Variants in SPAG16 observed in about 807,000 individuals in gnomAD.
The protein encoded by SPAG16 is sperm-associated antigen 16 protein.
In SPAG16, 86 loss-of-function variants were observed where a neutral mutation model predicts 80.4. That is an observed-to-expected ratio of 1.07 (90% CI 0.90 to 1.28). The LOEUF is 1.28. SPAG16 is among the 50% of genes most tolerant of loss of function. The pLI is 0.00. For missense variants in SPAG16, 870 were observed against 765.3 expected (o/e 1.14, Z -1.61); for synonymous variants, 294 against 265.9 (o/e 1.11, Z -1.03).
At chr2:213,326,576 T>C (rs1362742585) in intron 5 of SPAG16, among the ~76,000 whole-genome samples, 2 of 152,012 alleles carry the variant, frequency 1.3e-5, no homozygotes, top group African/African-American at 4.8e-5. Flanking sequence ...CCAACAGTTA[T>C]TCCAATATAA....
chr2:214,359,365 C>G lies in SPAG16; in HGVS notation c.1721-50775C>G, dbSNP rs564744303. ...CTTACTATATACAAAATAGGCTACTCTCCTAAAATCATATTGGGCATTTGG... is the reference window on the plus strand; with the variant it reads ...CTTACTATATACAAAATAGGCTACTGTCCTAAAATCATATTGGGCATTTGG... On this transcript the variant is annotated intron_variant, in intron 15 of 15. Transcript: ENST00000331683. 3.9e-5 allele frequency among the ~76,000 whole-genome samples: 6 copies of G among 151,962 alleles called. No homozygotes were observed. In the East Asian group the frequency reaches 9.7e-4, roughly 25 times the overall value.
intron 15 of SPAG16, among the ~76,000 whole-genome samples, chr2:214,381,691 G>A (rs1486487305): frequency 6.6e-6 from 1 of 152,226 alleles, no homozygotes; most frequent in East Asian, 1.9e-4. Flanking sequence ...CATGTCCAGG[G>A]AGACATTGGT....
At chr2:213,494,474 G>T (rs1439245614) in intron 10 of SPAG16, among the ~76,000 whole-genome samples, 1 of 151,978 alleles carries the variant, frequency 6.6e-6, no homozygotes, top group Non-Finnish European at 1.5e-5. Flanking sequence ...CCCTCACCCT[G>T]CAATTCCCAC....
At chr2:213,362,696 A>G (rs1244650836) in intron 7 of SPAG16, among the ~76,000 whole-genome samples, 2 of 152,228 alleles carry the variant, frequency 1.3e-5, no homozygotes, top group Non-Finnish European at 2.9e-5. Flanking sequence ...ATACTGTCAG[A>G]CTAATGCTCC....
intron 15 of SPAG16, among the ~76,000 whole-genome samples, chr2:214,282,559 A>G (rs536626798): frequency 1.3e-5 from 2 of 152,300 alleles, no homozygotes; most frequent in African/African-American, 2.4e-5. Context: ...TACCTATTCT[A>G]ATAGGACACA....
chr2:214,150,727 T>C (rs926065742), intron 15 of SPAG16, among the ~76,000 whole-genome samples: 6 of 152,120 alleles, frequency 3.9e-5, no homozygotes, highest in African/African-American at 1.2e-4. Context: ...TGAAATATCA[T>C]TACAATTAAT....
chr2:213,982,774 G>A (rs2045823844), intron 12 of SPAG16, among the ~76,000 whole-genome samples: 1 of 151,922 alleles, frequency 6.6e-6, no homozygotes, highest in South Asian at 2.1e-4. Flanking sequence ...CAATTGGAAA[G>A]TTAACCTTGA....
intron 8 of SPAG16, among the ~76,000 whole-genome samples, chr2:213,372,095 A>G (rs994561648): frequency 6.6e-6 from 1 of 151,948 alleles, no homozygotes; most frequent in Non-Finnish European, 1.5e-5. Flanking sequence ...CTATACAGAA[A>G]GCACTTTTTA....
intron 10 of SPAG16, among the ~76,000 whole-genome samples, chr2:213,804,639 C>T (rs1316037332): frequency 2.0e-5 from 3 of 152,106 alleles, no homozygotes; most frequent in Non-Finnish European, 4.4e-5. Context: ...GCCGAGATCG[C>T]GCCACTGCAG....
At chr2:213,776,951 GA>G (rs2069627463) in intron 10 of SPAG16, among the ~76,000 whole-genome samples, 3 of 149,088 alleles carry the variant, frequency 2.0e-5, no homozygotes, top group Admixed American at 1.4e-4. Context: ...TATAATAGTG[GA>G]AAAAAAGGTA....
At chr2:213,827,422 T>A (rs184632913) in intron 10 of SPAG16, among the ~76,000 whole-genome samples, 1 of 152,100 alleles carries the variant, frequency 6.6e-6, no homozygotes, top group Admixed American at 6.6e-5. Context: ...AACTTGACAC[T>A]CTTTGCATAA....
chr2:213,663,217 A>G (rs538366093), intron 10 of SPAG16, among the ~76,000 whole-genome samples: 4 of 152,252 alleles, frequency 2.6e-5, no homozygotes, highest in African/African-American at 4.8e-5. Flanking sequence ...AAAAAATTCT[A>G]TAGTGAGTTC....
At chr2:213,659,508 G>T (rs950098935) in intron 10 of SPAG16, among the ~76,000 whole-genome samples, 2 of 152,028 alleles carry the variant, frequency 1.3e-5, no homozygotes, top group Admixed American at 6.6e-5. Flanking sequence ...TTTTTAAAGT[G>T]TCCCAGAGGC....
At chr2:214,295,561 T>A (rs1232906835) in intron 15 of SPAG16, among the ~76,000 whole-genome samples, 1 of 151,752 alleles carries the variant, frequency 6.6e-6, no homozygotes, top group East Asian at 1.9e-4. Flanking sequence ...GAGGCCGAGG[T>A]GGGTGGATTG....
chr2:213,774,135 T>A (rs1232742605), intron 10 of SPAG16, among the ~76,000 whole-genome samples: 2 of 152,170 alleles, frequency 1.3e-5, no homozygotes, highest in African/African-American at 4.8e-5. Context: ...CTGGGATATC[T>A]TTTGGTCTCT....
intron 15 of SPAG16, among the ~76,000 whole-genome samples, chr2:214,272,537 C>T (rs1044788533): frequency 5.3e-5 from 8 of 152,034 alleles, no homozygotes; most frequent in South Asian, 2.1e-4. Context: ...TGAGAACATG[C>T]GGCGTTTGGT....
chr2:213,600,987 T>G (rs1158243443), intron 10 of SPAG16, among the ~76,000 whole-genome samples: 1 of 152,208 alleles, frequency 6.6e-6, no homozygotes, highest in Non-Finnish European at 1.5e-5. Context: ...GATTTTTATA[T>G]ATCCTTTGTC....
Position 214,224,069 on chromosome 2 carries a change from G to A in SPAG16, c.1720+74803G>A, listed in dbSNP as rs560885374. On this transcript the variant is annotated intron_variant, in intron 15 of 15. Coordinates refer to ENST00000331683, the MANE Select transcript of SPAG16 (RefSeq NM_024532.5). ...AGTGCAAAGACCAGCTGTTAGTGGG[G>A]CTGTAGTCTCCTTGGCCCCAGATCA... Among the ~76,000 whole-genome samples the A allele has an allele frequency of 1.7e-4, 26 of 152,274 alleles. No individual in the cohort carries two copies. The East Asian group carries it at 4.6e-3, about 27-fold the overall frequency.
chr2:213,728,943 T>C (rs2066908150), intron 10 of SPAG16, among the ~76,000 whole-genome samples: 1 of 139,932 alleles, frequency 7.1e-6, no homozygotes, highest in South Asian at 2.4e-4. Flanking sequence ...GATGGCAGCC[T>C]TGACCACAGT....
Sources: gnomAD v4.1 joint callset for allele counts (sites outside exome capture counted in the v4.1 genomes callset) on GRCh38, gnomAD v4.1.1 for gene constraint, MANE v1.5 for transcripts, NCBI Gene and HGNC (gene_info 2026-07-23, HGNC 2026-07-21) for gene names.